VDAC1: variants seen among roughly 807,000 people sequenced by gnomAD.
VDAC1 encodes voltage dependent anion channel 1, also known as non-selective voltage-gated ion channel VDAC1.
VDAC1 carries 10 observed loss-of-function variants against 34.7 expected under a neutral mutation model. That is an observed-to-expected ratio of 0.29 (90% CI 0.18 to 0.49). The LOEUF (loss-of-function observed/expected upper bound fraction) is 0.49. Among genes scored for constraint, VDAC1 ranks in the 20% least tolerant of loss-of-function variants. The pLI is 0.99. For missense variants in VDAC1, 230 were observed against 347.9 expected (o/e 0.66, Z 2.69); for synonymous variants, 130 against 136.0 (o/e 0.96, Z 0.30).
chr5:133,987,698 G>A lies in VDAC1; in HGVS notation c.323+3157C>T, dbSNP rs535245433. Among the ~76,000 whole-genome samples the A allele has an allele frequency of 2.2e-4, 29 of 134,326 alleles. 2 individuals are homozygous for A. In the South Asian group the frequency reaches 7.0e-3, roughly 32 times the overall value. The allele number at this position is 134,326 out of a possible 152,430, so 88.1% of individuals were successfully genotyped here. On this transcript the variant is annotated intron_variant, in intron 5 of 8. Transcript: ENST00000265333. Reference sequence around the variant, plus strand: ...TTGCAGGCAAGAATCACCAATGGATGTTACTATTTTTGAGCAAAAGTATGA... The same window carrying A: ...TTGCAGGCAAGAATCACCAATGGATATTACTATTTTTGAGCAAAAGTATGA...
At chr5:134,082,317 C>T in the VDAC1 span, among the ~76,000 whole-genome samples, 1 of 152,176 alleles carries the variant, frequency 6.6e-6, no homozygotes, top group African/African-American at 2.4e-5. Flanking sequence ...TTAAATTATA[C>T]ACTATGAACT....
the VDAC1 span, among the ~76,000 whole-genome samples, chr5:134,106,414 C>CTT: frequency 3.4e-5 from 5 of 146,542 alleles, no homozygotes; most frequent in South Asian, 2.1e-4. Flanking sequence ...TTGTCATCCT[C>CTT]TTTTTTTTTT....
chr5:134,046,096 G>T, the VDAC1 span, among the ~76,000 whole-genome samples: 1 of 151,432 alleles, frequency 6.6e-6, no homozygotes, highest in South Asian at 2.1e-4. Flanking sequence ...CGCAATCTCG[G>T]CTCACTGCAA....
chr5:134,086,009 A>AG, the VDAC1 span, among the ~76,000 whole-genome samples: 1 of 152,162 alleles, frequency 6.6e-6, no homozygotes, highest in African/African-American at 2.4e-5. Context: ...CCTGGACAAT[A>AG]TGGTGAAACC....
chr5:133,991,963 G>A (rs900419962), intron 3 of VDAC1, among the ~76,000 whole-genome samples: 8 of 152,160 alleles, frequency 5.3e-5, no homozygotes, highest in African/African-American at 2.4e-5. Context: ...TAAGCCAGGC[G>A]CAGTGGCTCA....
At chr5:134,065,273 A>C in the VDAC1 span, among the ~76,000 whole-genome samples, 1 of 150,524 alleles carries the variant, frequency 6.6e-6, no homozygotes, top group South Asian at 2.1e-4. Flanking sequence ...TTCCCTATGA[A>C]TTATTTAGAC....
At chr5:134,063,488 T>A in the VDAC1 span, among the ~76,000 whole-genome samples, 1 of 152,248 alleles carries the variant, frequency 6.6e-6, no homozygotes, top group South Asian at 2.1e-4. Context: ...ATTTGGCCAA[T>A]GAGACATTAG....
the VDAC1 span, among the ~76,000 whole-genome samples, chr5:134,080,538 G>A: frequency 1.3e-5 from 2 of 152,292 alleles, no homozygotes; most frequent in African/African-American, 2.4e-5. Flanking sequence ...CAGTACCACG[G>A]GCAGGTTAAG....
intron 5 of VDAC1, among the ~76,000 whole-genome samples, chr5:133,984,115 G>A (rs916091238): frequency 1.3e-5 from 2 of 152,074 alleles, no homozygotes; most frequent in Admixed American, 1.3e-4. Flanking sequence ...GAGTGCAGTG[G>A]TGCGATCATG....
intron 6 of VDAC1, among the ~76,000 whole-genome samples, chr5:133,979,724 G>A (rs780608103): frequency 6.6e-5 from 10 of 152,212 alleles, no homozygotes; most frequent in Non-Finnish European, 1.2e-4. Context: ...CACGACGCCC[G>A]GCCAAAATGG....
the VDAC1 span, among the ~76,000 whole-genome samples, chr5:134,073,072 C>T: frequency 2.0e-5 from 3 of 152,170 alleles, no homozygotes; most frequent in Admixed American, 6.5e-5. Flanking sequence ...AGGTCCTAGG[C>T]TTTTAGGCCT....
At chr5:134,094,480 G>A in the VDAC1 span, among the ~76,000 whole-genome samples, 181 of 152,204 alleles carry the variant, frequency 1.2e-3, no homozygotes, top group Non-Finnish European at 2.0e-3. Context: ...GGCAGATCAC[G>A]AGGTCAGGAG....
chr5:134,080,299 C>G, the VDAC1 span, among the ~76,000 whole-genome samples: 2 of 152,230 alleles, frequency 1.3e-5, no homozygotes, highest in African/African-American at 2.4e-5. Context: ...CTGGGATTGT[C>G]TCCTTTTGCC....
At chr5:134,033,047 G>A in the VDAC1 span, among the ~76,000 whole-genome samples, 3 of 151,676 alleles carry the variant, frequency 2.0e-5, no homozygotes, top group Admixed American at 1.3e-4. Context: ...GAGGGGACGG[G>A]AAGGGAGGAG....
the VDAC1 span, among the ~76,000 whole-genome samples, chr5:134,014,163 C>CTT: frequency 6.6e-6 from 1 of 151,624 alleles, no homozygotes; most frequent in Admixed American, 6.6e-5. Flanking sequence ...GTGGCACGCG[C>CTT]TTGTAATCCC....
chr5:134,042,738 C>T, the VDAC1 span, among the ~76,000 whole-genome samples: 1 of 152,234 alleles, frequency 6.6e-6, no homozygotes, highest in Admixed American at 6.5e-5. Flanking sequence ...CCGCCTGCTT[C>T]AGCCTCCCAA....
intron 8 of VDAC1, 45 bp downstream of exon 8, chr5:133,973,746 T>C: frequency 1.9e-6 from 3 of 1,588,918 alleles, no homozygotes; most frequent in South Asian, 1.1e-5. Flanking sequence ...AGCACCACAA[T>C]TTTTTTAAGA....
At chr5:134,000,104 C>T (rs1259865339) in intron 1 of VDAC1, among the ~76,000 whole-genome samples, 1 of 152,144 alleles carries the variant, frequency 6.6e-6, no homozygotes, top group Non-Finnish European at 1.5e-5. Context: ...CTCGCTCACA[C>T]ACATGCACGC....
At chr5:134,107,607 C>G in the VDAC1 span, among the ~76,000 whole-genome samples, 1 of 152,298 alleles carries the variant, frequency 6.6e-6, no homozygotes, top group East Asian at 1.9e-4. Flanking sequence ...GGTCCCCACT[C>G]TCCACCCATG....
Sources: allele counts gnomAD v4.1 joint callset (sites outside exome capture counted in the v4.1 genomes callset), GRCh38; gene constraint gnomAD v4.1.1; transcripts MANE v1.5; gene names NCBI Gene and HGNC (gene_info 2026-07-23, HGNC 2026-07-21).